The following CTNNA3 variants were observed in gnomAD, a reference collection of about 807,000 sequenced individuals.
CTNNA3 encodes the protein catenin alpha 3.
CTNNA3 carries 76 observed loss-of-function variants against 95.7 expected under a neutral mutation model. That is an observed-to-expected ratio of 0.79 (90% CI 0.66 to 0.96). The LOEUF (loss-of-function observed/expected upper bound fraction) is 0.96. Ranked by LOEUF, CTNNA3 falls within the 40% of genes least tolerant of loss-of-function variation. The pLI is 0.00. For synonymous variants in CTNNA3, 431 were observed against 374.4 expected (o/e 1.15, Z -1.74); for missense variants, 1,191 against 1,089.8 (o/e 1.09, Z -1.31).
chr10:67,085,061 T>C (rs1257834419), intron 7 of CTNNA3, among the ~76,000 whole-genome samples: 1 of 151,966 alleles, frequency 6.6e-6, no homozygotes, highest in East Asian at 1.9e-4. Flanking sequence ...TGTCCAAATA[T>C]GGTCTGAATT....
At chr10:66,697,424 A>AT (rs1847806346) in intron 9 of CTNNA3, among the ~76,000 whole-genome samples, 1 of 151,564 alleles carries the variant, frequency 6.6e-6, no homozygotes, top group African/African-American at 2.4e-5. Flanking sequence ...TTGGGAAAAA[A>AT]ATTTATATAC....
chr10:67,125,568 C>G (rs1859683325), intron 7 of CTNNA3, among the ~76,000 whole-genome samples: 1 of 152,126 alleles, frequency 6.6e-6, no homozygotes, highest in Admixed American at 6.6e-5. Flanking sequence ...TTTCTCCAGA[C>G]TATGTCAGTA....
At chr10:67,426,645 G>A (rs1310589288) in intron 5 of CTNNA3, among the ~76,000 whole-genome samples, 3 of 151,888 alleles carry the variant, frequency 2.0e-5, no homozygotes, top group Non-Finnish European at 4.4e-5. Flanking sequence ...ATCACACACC[G>A]GGGCCTGTCG....
rs924476593 is a variant in CTNNA3 at position 66,091,083 on chromosome 10, G to A, written c.1977+12074C>T. On this transcript the variant is annotated intron_variant, in intron 14 of 17. Transcript: ENST00000433211. ...ATGTAAGTATATTTTTGTTAACCAG[G>A]GACTAATAATTCAACAATATGTATA... is the stretch of plus-strand genomic sequence containing the variant. Among the ~76,000 whole-genome samples, 10 of 151,502 alleles carry A rather than the reference G, an allele frequency of 6.6e-5. No homozygotes were observed. The East Asian group carries it at 1.9e-3, about 29-fold the overall frequency.
At position 67,640,302 on chromosome 10, in the gene CTNNA3, G is replaced by A. The variant is rs560072036; in HGVS notation, c.99+7113C>T. ...CCTAGGAATCCAACTTACAAGGGAT[G>A]TGAAGGATCTCTTCAAGGAGAACTA... On this transcript the variant is annotated intron_variant, in intron 2 of 17. Coordinates refer to ENST00000433211, the MANE Select transcript of CTNNA3 (RefSeq NM_013266.4). Among the ~76,000 whole-genome samples, 560 of 152,294 alleles carry A rather than the reference G, an allele frequency of 3.7e-3. 5 individuals carry two copies. Among genetic ancestry groups the A allele is most frequent in the African/African-American group, 0.013 (522 of 41,562 alleles).
chr10:67,714,895 C>A (rs1460637627), intron 1 of CTNNA3, among the ~76,000 whole-genome samples: 2 of 152,178 alleles, frequency 1.3e-5, no homozygotes, highest in Non-Finnish European at 2.9e-5. Context: ...CTCTTATCTG[C>A]CACCATGTGA....
intron 11 of CTNNA3, among the ~76,000 whole-genome samples, chr10:66,399,731 G>A (rs1257001007): frequency 6.6e-6 from 1 of 151,930 alleles, no homozygotes; most frequent in Admixed American, 6.6e-5. Context: ...GTTATATGTA[G>A]TGAATTTAAT....
Position 67,189,599 on chromosome 10 carries a change from C to T in CTNNA3, c.844-9079G>A, listed in dbSNP as rs578014617. ...CACAAATATACATAATTTTTATTCA[C>T]TAATTTAAAAAATTTTAAATGAACT... On this transcript the variant is annotated intron_variant, in intron 6 of 17. Coordinates refer to ENST00000433211, the MANE Select transcript of CTNNA3 (RefSeq NM_013266.4). Among the ~76,000 whole-genome samples the T allele has an allele frequency of 1.8e-4, 24 of 135,316 alleles. 1 individual carries two copies. The highest frequency in any genetic ancestry group is 3.2e-4 in the Non-Finnish European group (20 of 61,726). 88.8% of individuals were successfully genotyped at this position (135,316 alleles called of 152,430 possible).
intron 11 of CTNNA3, among the ~76,000 whole-genome samples, chr10:66,405,664 C>T (rs1432526565): frequency 6.6e-6 from 1 of 152,188 alleles, no homozygotes; most frequent in Admixed American, 6.5e-5. Context: ...GCACTACCAA[C>T]TCAATTTCCT....
chr10:66,508,477 G>A (rs918201356), intron 11 of CTNNA3, among the ~76,000 whole-genome samples: 1 of 151,980 alleles, frequency 6.6e-6, no homozygotes, highest in African/African-American at 2.4e-5. Flanking sequence ...GACTTCTGTT[G>A]CCACACTCCT....
chr10:66,686,123 T>C (rs1267571129), intron 9 of CTNNA3, among the ~76,000 whole-genome samples: 1 of 152,206 alleles, frequency 6.6e-6, no homozygotes, highest in Non-Finnish European at 1.5e-5. Flanking sequence ...ACAAATTCAG[T>C]CAGCATGCGG....
At chr10:66,342,507 T>C (rs543815041) in intron 12 of CTNNA3, among the ~76,000 whole-genome samples, 1 of 152,204 alleles carries the variant, frequency 6.6e-6, no homozygotes, top group African/African-American at 2.4e-5. Context: ...ATTCTTTGTA[T>C]GCAAATATTA....
intron 11 of CTNNA3, among the ~76,000 whole-genome samples, chr10:66,414,297 C>T (rs1206377295): frequency 6.6e-6 from 1 of 152,072 alleles, no homozygotes; most frequent in Non-Finnish European, 1.5e-5. Flanking sequence ...GATATTAGAT[C>T]ATCCAAGAGA....
At chr10:67,660,139 G>A (rs1840137188) in intron 1 of CTNNA3, among the ~76,000 whole-genome samples, 1 of 152,136 alleles carries the variant, frequency 6.6e-6, no homozygotes, top group African/African-American at 2.4e-5. Flanking sequence ...ATTTTAAAAA[G>A]TCTCTGCTAG....
intron 7 of CTNNA3, among the ~76,000 whole-genome samples, chr10:66,922,148 C>T (rs1485463846): frequency 6.6e-6 from 1 of 152,122 alleles, no homozygotes; most frequent in East Asian, 1.9e-4. Context: ...ATACATGACA[C>T]TATTTTTATA....
intron 7 of CTNNA3, among the ~76,000 whole-genome samples, chr10:66,979,228 A>G (rs747875650): frequency 4.0e-4 from 61 of 152,144 alleles, no homozygotes; most frequent in Non-Finnish European, 6.0e-4. Flanking sequence ...TCGGCCTCCC[A>G]AAGTGCTGGG....
chr10:67,317,568 G>A (rs528101945), intron 5 of CTNNA3, among the ~76,000 whole-genome samples: 1 of 152,156 alleles, frequency 6.6e-6, no homozygotes, highest in South Asian at 2.1e-4. Context: ...TGGGACTACA[G>A]GCACCCATCA....
intron 10 of CTNNA3, among the ~76,000 whole-genome samples, chr10:66,586,971 G>A (rs1379514497): frequency 6.6e-6 from 1 of 152,152 alleles, no homozygotes; most frequent in Non-Finnish European, 1.5e-5. Flanking sequence ...GCTGTCCAGT[G>A]GGGCTGCCAC....
chr10:66,343,204 T>G (rs1159786767), intron 12 of CTNNA3, among the ~76,000 whole-genome samples: 3 of 152,006 alleles, frequency 2.0e-5, no homozygotes, highest in Non-Finnish European at 4.4e-5. Context: ...CCCAATATGA[T>G]CCAGCAATCC....
Sources: allele counts gnomAD v4.1 joint callset (sites outside exome capture counted in the v4.1 genomes callset), GRCh38; gene constraint gnomAD v4.1.1; transcripts MANE v1.5; gene names NCBI Gene and HGNC (gene_info 2026-07-23, HGNC 2026-07-21).